RBFOX1: variants seen among roughly 807,000 people sequenced by gnomAD.
RBFOX1 encodes the protein RNA binding protein fox-1 homolog 1.
A neutral mutation model predicts 57.7 loss-of-function variants in RBFOX1; 8 were observed. That is an observed-to-expected ratio of 0.14 (90% confidence interval 0.08 to 0.25). The LOEUF (loss-of-function observed/expected upper bound fraction) is 0.25. Among genes scored for constraint, RBFOX1 ranks in the 10% least tolerant of loss-of-function variants. The probability of loss-of-function intolerance (pLI) is 1.00; values close to 1 mark genes in which losing one functional copy is unlikely to be tolerated. For synonymous variants in RBFOX1, 326 were observed against 222.4 expected (o/e 1.47, Z -4.15); for missense variants, 611 against 548.5 (o/e 1.11, Z -1.14).
chr16:7,067,453 T>C (rs1262857441), intron 4 of RBFOX1, among the ~76,000 whole-genome samples: 1 of 152,114 alleles, frequency 6.6e-6, no homozygotes, highest in Non-Finnish European at 1.5e-5. Flanking sequence ...ATCCTTTTTT[T>C]TTTTTTTATC....
At chr16:6,912,010 G>A (rs1205265916) in intron 3 of RBFOX1, among the ~76,000 whole-genome samples, 2 of 152,192 alleles carry the variant, frequency 1.3e-5, no homozygotes, top group Admixed American at 6.5e-5. Context: ...AGAGTAAGAT[G>A]CATTCTTCAA....
chr16:5,293,130 G>A (rs943351342), intron 1 of RBFOX1, among the ~76,000 whole-genome samples: 1 of 151,802 alleles, frequency 6.6e-6, no homozygotes, highest in Admixed American at 6.6e-5. Context: ...AGACCAAACT[G>A]GGCAACATGA....
chr16:5,951,757 T>C (rs1038257545), intron 4 of RBFOX1, among the ~76,000 whole-genome samples: 2 of 151,782 alleles, frequency 1.3e-5, no homozygotes, highest in African/African-American at 4.8e-5. Context: ...CACGTTTGAG[T>C]ATCTTTAAAG....
intron 4 of RBFOX1, among the ~76,000 whole-genome samples, chr16:7,182,264 G>T (rs1357448055): frequency 6.6e-6 from 1 of 152,092 alleles, no homozygotes; most frequent in Non-Finnish European, 1.5e-5. Context: ...TGTAAACAGT[G>T]ATGCTCCTCT....
chr16:6,834,592 A>C (rs2092950975), intron 3 of RBFOX1, among the ~76,000 whole-genome samples: 1 of 152,186 alleles, frequency 6.6e-6, no homozygotes, highest in Admixed American at 6.5e-5. Context: ...ACCTTGCAGA[A>C]ACTTGAAGGT....
At chr16:5,700,283 C>G (rs73518004) in intron 3 of RBFOX1, among the ~76,000 whole-genome samples, 1 of 151,914 alleles carries the variant, frequency 6.6e-6, no homozygotes, top group Admixed American at 6.6e-5. Context: ...TTCAAAAGCC[C>G]ACTTTGACAG....
chr16:7,336,528 C>G lies in RBFOX1; in HGVS notation c.28-181619C>G, dbSNP rs1483912633. On this transcript the variant is annotated intron_variant, in intron 4 of 15. Coordinates refer to ENST00000550418, the MANE Select transcript of RBFOX1 (RefSeq NM_018723.4). ...TTCAGTTATCCATTCACTGTATACT[C>G]AACCTATAACAAAAGTGACAGTCAT... Among the ~76,000 whole-genome samples the G allele has an allele frequency of 2.0e-5, 3 of 152,344 alleles. No homozygotes were observed. The East Asian group carries it at 5.8e-4, about 29-fold the overall frequency.
At chr16:6,935,296 A>C (rs1295941366) in intron 3 of RBFOX1, among the ~76,000 whole-genome samples, 1 of 152,162 alleles carries the variant, frequency 6.6e-6, no homozygotes, top group Non-Finnish European at 1.5e-5. Context: ...TGGTAGTTTC[A>C]GACGATCTCT....
chr16:7,543,180 C>G (rs2083433187), intron 5 of RBFOX1, among the ~76,000 whole-genome samples: 1 of 152,194 alleles, frequency 6.6e-6, no homozygotes. Context: ...AACTCCTGAG[C>G]TACTGAATCA....
chr16:6,264,927 G>A (rs952316365), intron 1 of RBFOX1, among the ~76,000 whole-genome samples: 1 of 152,134 alleles, frequency 6.6e-6, no homozygotes, highest in Non-Finnish European at 1.5e-5. Flanking sequence ...ATAATTGAGC[G>A]AAGGAACTCC....
Position 7,587,241 on chromosome 16 carries a change from T to C in RBFOX1, c.415-6T>C. ...TTGCTTATAAGATATTTCTATTTCT[T>C]TGCAGCAATTTGGTAAAATCTTAGA... On this transcript the variant is annotated splice_region_variant and splice_polypyrimidine_tract_variant and intron_variant, in intron 6 of 15. Transcript: ENST00000550418. 6.4e-7 allele frequency: 1 copy of C among 1,569,106 alleles called. No homozygotes were observed. Among genetic ancestry groups the C allele is most frequent in the Non-Finnish European group, 8.6e-7 (1 of 1,157,244 alleles).
chr16:6,640,814 C>T (rs536270548), intron 2 of RBFOX1, among the ~76,000 whole-genome samples: 1 of 152,160 alleles, frequency 6.6e-6, no homozygotes, highest in South Asian at 2.1e-4. Context: ...TTCTCTGGGC[C>T]TCTCTGACTA....
chr16:7,032,116 CATT>C (rs1212174380), intron 3 of RBFOX1, among the ~76,000 whole-genome samples: 4 of 152,168 alleles, frequency 2.6e-5, no homozygotes, highest in African/African-American at 9.6e-5. Flanking sequence ...CAGAGAATTT[CATT>C]ATTATTTTTA....
chr16:6,279,468 T>C (rs2076161737), intron 1 of RBFOX1, among the ~76,000 whole-genome samples: 1 of 152,202 alleles, frequency 6.6e-6, no homozygotes, highest in African/African-American at 2.4e-5. Flanking sequence ...CCTGTTGCCT[T>C]GGAGTTTGAA....
At chr16:7,622,903 A>G (rs77274361) in intron 10 of RBFOX1, among the ~76,000 whole-genome samples, 3,295 of 152,340 alleles carry the variant, frequency 0.022, 113 homozygotes, top group African/African-American at 0.076. Flanking sequence ...ATTAACTGTG[A>G]AAATATTCTT....
At chr16:6,586,946 T>C (rs917682672) in intron 2 of RBFOX1, among the ~76,000 whole-genome samples, 4 of 152,208 alleles carry the variant, frequency 2.6e-5, no homozygotes, top group Non-Finnish European at 5.9e-5. Context: ...TATATATATA[T>C]TGTGGAATGC....
chr16:6,824,225 C>T (rs9931028), intron 3 of RBFOX1, among the ~76,000 whole-genome samples: 17 of 152,186 alleles, frequency 1.1e-4, no homozygotes, highest in African/African-American at 3.6e-4. Context: ...GCCAACATGG[C>T]GAAACTCCAT....
chr16:6,073,907 T>G (rs2152491207), intron 1 of RBFOX1, among the ~76,000 whole-genome samples: 1 of 152,212 alleles, frequency 6.6e-6, no homozygotes, highest in African/African-American at 2.4e-5. Flanking sequence ...GGGTACTGGC[T>G]TAAGGCACAG....
chr16:5,356,597 C>T lies in RBFOX1; in HGVS notation c.220-110619C>T, dbSNP rs544286419. ...GTGTCCCTAGCTTCTGGAATGGTGT[C>T]AGGCACAGGTTTACCATGAAAAATA... On this transcript the variant is annotated intron_variant, in intron 1 of 2. Transcript: ENST00000585867. Among the ~76,000 whole-genome samples the T allele has an allele frequency of 2.6e-5, 4 of 152,216 alleles. No homozygotes were observed. In the East Asian group the frequency reaches 7.7e-4, roughly 29 times the overall value.
Sources: allele counts gnomAD v4.1 joint callset (sites outside exome capture counted in the v4.1 genomes callset), GRCh38; gene constraint gnomAD v4.1.1; transcripts MANE v1.5; gene names NCBI Gene and HGNC (gene_info 2026-07-23, HGNC 2026-07-21).